NAV2: variants seen among roughly 807,000 people sequenced by gnomAD.
NAV2 encodes helicase, APC down-regulated 1.
In NAV2, 54 loss-of-function variants were observed where a neutral mutation model predicts 223.2. The observed-to-expected ratio is 0.24, with a 90% CI of 0.19 to 0.30. The LOEUF (loss-of-function observed/expected upper bound fraction) is 0.30, where lower values mean the gene tolerates loss of function less well. NAV2 is among the 10% of genes least tolerant of loss of function. The pLI is 1.00. For missense variants in NAV2, 2,806 were observed against 3,147.5 expected (o/e 0.89, Z 2.60); for synonymous variants, 1,279 against 1,239.3 (o/e 1.03, Z -0.67).
intron 1 of NAV2, among the ~76,000 whole-genome samples, chr11:19,676,566 C>A (rs1319044903): frequency 1.3e-5 from 2 of 152,176 alleles, no homozygotes; most frequent in Non-Finnish European, 2.9e-5. Context: ...GCTTGGTTTC[C>A]GGCCTTCCCT....
At chr11:20,070,300 CCT>C (rs1181728809) in intron 22 of NAV2, among the ~76,000 whole-genome samples, 1 of 152,112 alleles carries the variant, frequency 6.6e-6, no homozygotes, top group Non-Finnish European at 1.5e-5. Flanking sequence ...ACAGCAAACC[CCT>C]GTCAAACCAC....
chr11:19,703,278 T>C (rs1487319842), intron 1 of NAV2, among the ~76,000 whole-genome samples: 1 of 152,236 alleles, frequency 6.6e-6, no homozygotes, highest in Non-Finnish European at 1.5e-5. Context: ...CTCAGAGTCC[T>C]AAACCCTGGG....
At chr11:20,039,945 G>T (rs1234087866) in intron 12 of NAV2, among the ~76,000 whole-genome samples, 1 of 152,222 alleles carries the variant, frequency 6.6e-6, no homozygotes, top group Non-Finnish European at 1.5e-5. Flanking sequence ...TTGGCTGGGG[G>T]TGAGGAGGGG....
chr11:19,757,322 C>T (rs2054313271), intron 1 of NAV2, among the ~76,000 whole-genome samples: 1 of 151,924 alleles, frequency 6.6e-6, no homozygotes, highest in African/African-American at 2.4e-5. Flanking sequence ...GCCTAGGGCT[C>T]CTGTTTATTT....
At chr11:19,981,954 C>T (rs1032785729) in intron 10 of NAV2, among the ~76,000 whole-genome samples, 1 of 152,142 alleles carries the variant, frequency 6.6e-6, no homozygotes, top group Non-Finnish European at 1.5e-5. Flanking sequence ...ATTTGCACAG[C>T]CCTATGGCTG....
At chr11:20,027,535 G>T in intron 11 of NAV2, 1 of 893,826 alleles carries the variant, frequency 1.1e-6, no homozygotes, top group Non-Finnish European at 1.3e-6. Context: ...GAGGCAGACA[G>T]AGGGGCGGGG....
chr11:19,971,521 C>T (rs1591481701), intron 10 of NAV2, among the ~76,000 whole-genome samples: 1 of 152,144 alleles, frequency 6.6e-6, no homozygotes, highest in South Asian at 2.1e-4. Context: ...CCGGTAACAC[C>T]CCAGCCACAC....
At chr11:19,690,759 G>C (rs1565171019) in intron 1 of NAV2, among the ~76,000 whole-genome samples, 1 of 152,154 alleles carries the variant, frequency 6.6e-6, no homozygotes, top group Non-Finnish European at 1.5e-5. Flanking sequence ...GCAAGAGAAA[G>C]CTCCTGCAGG....
intron 11 of NAV2, among the ~76,000 whole-genome samples, chr11:20,020,657 T>C (rs2054421479): frequency 6.6e-6 from 1 of 152,174 alleles, no homozygotes; most frequent in Non-Finnish European, 1.5e-5. Context: ...TACAATAAAC[T>C]CACCCCTGTA....
intron 1 of NAV2, among the ~76,000 whole-genome samples, chr11:19,363,513 A>G (rs537166882): frequency 1.4e-4 from 21 of 152,352 alleles, no homozygotes; most frequent in African/African-American, 4.8e-4. Context: ...TTCAAACCCA[A>G]GTATGTCTGA....
Position 20,044,148 on chromosome 11 carries a change from C to G in NAV2, c.3075C>G (p.Gly1025=). 1.2e-6 allele frequency: 2 copies of G among 1,614,154 alleles called. No individual in the cohort carries two copies. Among genetic ancestry groups the G allele is most frequent in the African/African-American group, 1.3e-5 (1 of 75,022 alleles). The change falls in exon 13 of 38, where the codon GGC becomes GGG. Residue 1025 remains glycine, a synonymous_variant. Coordinates refer to ENST00000349880, the MANE Select transcript of NAV2 (RefSeq NM_145117.5). The part of the protein sequence containing the change: ...VSDESDKSTS[G]KKNPVISQTG... ...ACGAGTCCGACAAAAGCACGTCGGG[C>G]AAGAAGAATCCTGTCATCTCCCAGA...
At chr11:19,915,884 T>C (rs1386853601) in intron 6 of NAV2, among the ~76,000 whole-genome samples, 2 of 152,162 alleles carry the variant, frequency 1.3e-5, no homozygotes, top group Non-Finnish European at 2.9e-5. Context: ...TATTTGTTGG[T>C]ATAGTGAATA....
At chr11:19,644,433 A>G (rs76996107) in intron 1 of NAV2, among the ~76,000 whole-genome samples, 402 of 152,346 alleles carry the variant, frequency 2.6e-3, no homozygotes, top group African/African-American at 9.2e-3. Context: ...GCCGGTGGAT[A>G]TGAATTAATG....
rs371613686 is a variant in NAV2, at chr11:19,879,960, C to A, written c.603C>A (p.His201Gln). 3 of 1,613,412 alleles carry A rather than the reference C, an allele frequency of 1.9e-6. No individual in the cohort carries two copies. Among genetic ancestry groups the A allele is most frequent in the East Asian group, 2.2e-5 (1 of 44,830 alleles). Residue 201 changes from histidine to glutamine, a missense_variant, in exon 5 of 38, where the codon CAC becomes CAA. This residue lies in a region of NAV2 where 1,167 missense variants were observed against 1,180.5 expected (regional missense o/e 0.99). Transcript: ENST00000349880. The stretch of plus-strand genomic sequence containing the variant: ...AGCAGCAGCAGCCCCAGAAGCAGCA[C>A]CTCTCCTCACCTCTGCCGCCCGCCG... ...KQQQQQPQKQ[H>Q]LSSPLPPAVS...
At chr11:19,496,198 G>C (rs1416245840) in intron 1 of NAV2, among the ~76,000 whole-genome samples, 1 of 152,162 alleles carries the variant, frequency 6.6e-6, no homozygotes, top group African/African-American at 2.4e-5. Flanking sequence ...CCCAAAGATT[G>C]AAAAATTTAT....
chr11:20,049,362 G>A (rs998940195), intron 15 of NAV2, 167 bp downstream of exon 15: 15 of 615,174 alleles, frequency 2.4e-5, no homozygotes, highest in Non-Finnish European at 2.8e-5. Context: ...AATCAAGCTT[G>A]GCTCTGCTCC....
rs147568754 is a variant in NAV2, at chr11:19,539,227, G to C, written c.75+188200G>C. ...GGGGGTAGATGAAGATTTTCCAAGGGGTGTGCAGGCATGAATAGTTGAAGG... is the reference window on the plus strand; with the variant it reads ...GGGGGTAGATGAAGATTTTCCAAGGCGTGTGCAGGCATGAATAGTTGAAGG... On this transcript the variant is annotated intron_variant, in intron 1 of 37. Coordinates refer to the NAV2 transcript ENST00000360655. 6.3e-3 allele frequency among the ~76,000 whole-genome samples: 962 copies of C among 152,272 alleles called. 14 individuals carry two copies. Among genetic ancestry groups the C allele is most frequent in the African/African-American group, 0.022 (903 of 41,546 alleles).
intron 1 of NAV2, among the ~76,000 whole-genome samples, chr11:19,560,792 T>C (rs1334850163): frequency 6.6e-5 from 10 of 152,192 alleles, no homozygotes; most frequent in Non-Finnish European, 1.3e-4. Context: ...TGGGAATGAA[T>C]AGAGTAGACC....
At chr11:19,714,388 C>A (rs1423439264) in intron 1 of NAV2, 1 of 466,022 alleles carries the variant, frequency 2.1e-6, no homozygotes, top group Admixed American at 2.3e-5. Context: ...ATCTAAGGCC[C>A]CATTGGGTTC....
Sources: gnomAD v4.1 joint callset for allele counts (sites outside exome capture counted in the v4.1 genomes callset) on GRCh38, gnomAD v4.1.1 for gene constraint, gnomAD v4.1.1 regional missense constraint, MANE v1.5 for transcripts, NCBI Gene and HGNC (gene_info 2026-07-23, HGNC 2026-07-21) for gene names.